The following PDE11A variants were observed in gnomAD, a reference collection of about 807,000 sequenced individuals.
PDE11A encodes dual 3',5'-cyclic-AMP and -GMP phosphodiesterase 11A.
In PDE11A, 100 loss-of-function variants were observed where a neutral mutation model predicts 100.5. The observed-to-expected ratio is 1.00, with a 90% CI of 0.85 to 1.18. PDE11A has a LOEUF of 1.18. PDE11A is among the 50% of genes most tolerant of loss of function. PDE11A has a pLI of 0.00. For synonymous variants in PDE11A, 381 were observed against 420.8 expected, an observed-to-expected ratio of 0.91 and a Z score of 1.16; for missense variants, 1,141 against 1,152.6, an observed-to-expected ratio of 0.99 and a Z score of 0.15.
chr2:178,051,299 C>G (rs1005349198), intron 1 of PDE11A, among the ~76,000 whole-genome samples: 8 of 152,284 alleles, frequency 5.3e-5, no homozygotes, highest in African/African-American at 1.9e-4. Context: ...TACAGACAAG[C>G]AAATGCTGAG....
At chr2:177,832,580 T>C (rs2083329554) in intron 6 of PDE11A, among the ~76,000 whole-genome samples, 1 of 151,856 alleles carries the variant, frequency 6.6e-6, no homozygotes, top group African/African-American at 2.4e-5. Flanking sequence ...TATCTATCTA[T>C]CTATCTATCT....
At chr2:178,009,872 A>T (rs2086256507) in intron 2 of PDE11A, among the ~76,000 whole-genome samples, 1 of 152,226 alleles carries the variant, frequency 6.6e-6, no homozygotes, top group Non-Finnish European at 1.5e-5. Flanking sequence ...CATAACTTAT[A>T]GTCTCTAGAT....
upstream of PDE11A, among the ~76,000 whole-genome samples, chr2:178,074,051 A>C (rs2087172530): frequency 2.6e-5 from 4 of 152,216 alleles, no homozygotes; most frequent in Admixed American, 2.6e-4. Context: ...CATAAAATGG[A>C]ATAAAGCACT....
chr2:177,758,554 G>T (rs977028663), intron 10 of PDE11A, among the ~76,000 whole-genome samples: 1 of 152,172 alleles, frequency 6.6e-6, no homozygotes, highest in African/African-American at 2.4e-5. Context: ...ATCAGCTCTG[G>T]CAAGGAAATG....
At chr2:177,954,712 G>C (rs1479142773) in intron 2 of PDE11A, among the ~76,000 whole-genome samples, 5 of 152,128 alleles carry the variant, frequency 3.3e-5, no homozygotes, top group Non-Finnish European at 7.4e-5. Context: ...TGTGCAAATG[G>C]TTCTTAACCT....
At chr2:177,998,822 C>G in intron 2 of PDE11A, 1 of 659,302 alleles carries the variant, frequency 1.5e-6, no homozygotes, top group Non-Finnish European at 2.8e-6. Flanking sequence ...CTTGCCGGCA[C>G]CACTGCCACC....
At chr2:177,691,023 G>A (rs558549704) in intron 15 of PDE11A, among the ~76,000 whole-genome samples, 61 of 152,300 alleles carry the variant, frequency 4.0e-4, no homozygotes, top group Non-Finnish European at 6.5e-4. Context: ...CAGTGTGTCA[G>A]GTTTTGTGGG....
chr2:177,945,158 C>A (rs550397144), intron 2 of PDE11A, among the ~76,000 whole-genome samples: 11 of 151,410 alleles, frequency 7.3e-5, no homozygotes, highest in South Asian at 2.1e-4. Flanking sequence ...GTGGCGTGGT[C>A]TCGGCTCACT....
At chr2:177,847,114 G>A (rs922073343) in intron 5 of PDE11A, among the ~76,000 whole-genome samples, 1 of 151,844 alleles carries the variant, frequency 6.6e-6, no homozygotes, top group Non-Finnish European at 1.5e-5. Context: ...TTCCTTATTC[G>A]TACCATGCCA....
chr2:178,050,782 T>C (rs1157256385), intron 1 of PDE11A, among the ~76,000 whole-genome samples: 1 of 151,926 alleles, frequency 6.6e-6, no homozygotes, highest in East Asian at 1.9e-4. Context: ...ATGAATGAAA[T>C]GAAGTGAGAA....
At chr2:177,713,644 G>C (rs891096264) in intron 12 of PDE11A, among the ~76,000 whole-genome samples, 2 of 152,076 alleles carry the variant, frequency 1.3e-5, no homozygotes, top group African/African-American at 4.8e-5. Flanking sequence ...AGAATCGCTT[G>C]AACCGGGAGA....
chr2:177,874,018 A>C (rs1467550289), intron 5 of PDE11A, among the ~76,000 whole-genome samples: 1 of 152,134 alleles, frequency 6.6e-6, no homozygotes, highest in Non-Finnish European at 1.5e-5. Context: ...TTTAGTTTCT[A>C]CTAAACTTTC....
chr2:177,853,963 TACAC>T lies in PDE11A; in HGVS notation c.1368-13584_1368-13581del, dbSNP rs150868134. Among the ~76,000 whole-genome samples the T allele has an allele frequency of 3.3e-4, 49 of 146,832 alleles. No homozygotes were observed. In the East Asian group the frequency reaches 4.9e-3, roughly 15 times the overall value. On this transcript the variant is annotated intron_variant, in intron 5 of 19. Coordinates refer to ENST00000286063, the MANE Select transcript of PDE11A (RefSeq NM_016953.4). ...GTATATATATCTATATATATGTGTA[TACAC>T]ACACACACACACAGCAAGAAAGGGA...
intron 1 of PDE11A, among the ~76,000 whole-genome samples, chr2:178,052,524 T>A (rs959001055): frequency 6.6e-6 from 1 of 151,976 alleles, no homozygotes; most frequent in Non-Finnish European, 1.5e-5. Context: ...AGAGCAGAAC[T>A]GAAGGAGATA....
At position 177,804,803 on chromosome 2, in the gene PDE11A, T is replaced by C. The variant is rs970423892; in HGVS notation, c.1737+12026A>G. On this transcript the variant is annotated intron_variant, in intron 9 of 19. Coordinates refer to ENST00000286063, the MANE Select transcript of PDE11A (RefSeq NM_016953.4). ...GTAACATAGATGGAACTGGAGGCCA[T>C]TGTCTTAACTGAAATAATTCAGAAA... 4.6e-5 allele frequency among the ~76,000 whole-genome samples: 7 copies of C among 151,954 alleles called. No individual in the cohort carries two copies. The South Asian group carries it at 6.2e-4, about 13-fold the overall frequency.
chr2:178,055,895 A>G (rs1345335018), intron 1 of PDE11A, among the ~76,000 whole-genome samples: 2 of 151,142 alleles, frequency 1.3e-5, no homozygotes, highest in African/African-American at 4.9e-5. Context: ...TCTAGGAAAG[A>G]AAAAAAAGTA....
intron 19 of PDE11A, among the ~76,000 whole-genome samples, chr2:177,650,193 G>C (rs1435920355): frequency 6.6e-6 from 1 of 152,056 alleles, no homozygotes; most frequent in African/African-American, 2.4e-5. Flanking sequence ...GATGTCTCCT[G>C]CCTGGCCATT....
chr2:177,894,617 T>G (rs1314528024), intron 4 of PDE11A, among the ~76,000 whole-genome samples: 2 of 152,174 alleles, frequency 1.3e-5, no homozygotes, highest in East Asian at 3.9e-4. Context: ...CTGAGCAGCA[T>G]TAATGTTCAA....
rs2081366053 is a variant in PDE11A, at chr2:177,712,016, C to T, written c.2044-138G>A. Reference sequence around the variant, plus strand: ...GATTAACTGCCACTCCCTCAGACAACAGTAAGTTGGGTGGTCAGTTGCACA... The same window carrying T: ...GATTAACTGCCACTCCCTCAGACAATAGTAAGTTGGGTGGTCAGTTGCACA... On this transcript the variant is annotated intron_variant, in intron 12 of 19. Transcript: ENST00000286063. 2.0e-5 allele frequency: 13 copies of T among 640,378 alleles called. No individual in the cohort carries two copies. The South Asian group carries it at 2.4e-4, about 12-fold the overall frequency. The allele number at this position is 640,378 out of a possible 1,614,324, so 39.7% of individuals were successfully genotyped here.
Sources: allele counts gnomAD v4.1 joint callset (sites outside exome capture counted in the v4.1 genomes callset), GRCh38; gene constraint gnomAD v4.1.1; transcripts MANE v1.5; gene names NCBI Gene and HGNC (gene_info 2026-07-23, HGNC 2026-07-21).